The following LARGE1 variants were observed in gnomAD, a reference collection of about 807,000 sequenced individuals.
The protein encoded by LARGE1 is xylosyl- and glucuronyltransferase LARGE1.
LARGE1 carries 43 observed loss-of-function variants against 87.6 expected under a neutral mutation model. The ratio of observed to expected loss-of-function variants is 0.49; its 90% confidence interval spans 0.38 to 0.63. The LOEUF is 0.63. LARGE1 is among the 30% of genes least tolerant of loss of function. LARGE1 has a pLI of 0.00. For missense variants in LARGE1, 802 were observed against 1,000.2 expected (o/e 0.80, Z 2.67); for synonymous variants, 434 against 394.6 (o/e 1.10, Z -1.18).
At chr22:33,499,094 T>G (rs1205390082) in intron 6 of LARGE1, among the ~76,000 whole-genome samples, 1 of 152,238 alleles carries the variant, frequency 6.6e-6, no homozygotes, top group Non-Finnish European at 1.5e-5. Context: ...GACAGACATC[T>G]GGAGCAGCCT....
chr22:33,399,786 G>T (rs886914633), intron 7 of LARGE1, among the ~76,000 whole-genome samples: 1 of 152,086 alleles, frequency 6.6e-6, no homozygotes, highest in African/African-American at 2.4e-5. Flanking sequence ...CTGACCTCGT[G>T]ATCTGCCCGC....
At chr22:33,555,852 C>A (rs1054909520) in intron 6 of LARGE1, among the ~76,000 whole-genome samples, 1 of 151,462 alleles carries the variant, frequency 6.6e-6, no homozygotes, top group Admixed American at 6.6e-5. Flanking sequence ...ACTGCCTGAG[C>A]CCGGGAGGTG....
intron 7 of LARGE1, among the ~76,000 whole-genome samples, chr22:33,417,801 C>T (rs1012810672): frequency 6.6e-6 from 1 of 152,246 alleles, no homozygotes; most frequent in African/African-American, 2.4e-5. Context: ...ATGGGAGCCA[C>T]TCTCAGCATC....
chr22:33,106,799 C>T, the LARGE1 span, among the ~76,000 whole-genome samples: 11 of 152,244 alleles, frequency 7.2e-5, no homozygotes, highest in East Asian at 2.1e-3. Flanking sequence ...CCCAGCCACA[C>T]CATTACTTTT....
intron 2 of LARGE1, among the ~76,000 whole-genome samples, chr22:33,720,643 A>T (rs544289521): frequency 4.6e-5 from 7 of 152,236 alleles, no homozygotes; most frequent in Admixed American, 1.3e-4. Context: ...TTGAGGTCCA[A>T]GTCCCAGAGT....
chr22:33,527,621 G>A (rs888856398), intron 6 of LARGE1, among the ~76,000 whole-genome samples: 2 of 152,022 alleles, frequency 1.3e-5, no homozygotes, highest in African/African-American at 4.8e-5. Flanking sequence ...CCCACCCAGA[G>A]TCTGAGGTTC....
chr22:33,238,455 C>G (rs948905941), intron 11 of LARGE1, among the ~76,000 whole-genome samples: 1 of 151,976 alleles, frequency 6.6e-6, no homozygotes, highest in Non-Finnish European at 1.5e-5. Context: ...ATTTAGTATA[C>G]CAAATATTAG....
Position 33,583,062 on chromosome 22 carries a change from A to T in LARGE1, c.616-18043T>A, listed in dbSNP as rs959654397. ...CAGTCACATATATTATACCCTGTCT[A>T]GATGACAAATAGGACTCTTGCTCTT... On this transcript the variant is annotated intron_variant, in intron 5 of 14. Transcript: ENST00000397394. 9.8e-5 allele frequency among the ~76,000 whole-genome samples: 15 copies of T among 152,332 alleles called. No individual in the cohort carries two copies. The East Asian group carries it at 2.9e-3, about 29-fold the overall frequency.
intron 5 of LARGE1, among the ~76,000 whole-genome samples, chr22:33,588,314 A>C (rs936397734): frequency 6.6e-6 from 1 of 152,234 alleles, no homozygotes; most frequent in Non-Finnish European, 1.5e-5. Flanking sequence ...AACAGGTGGA[A>C]AGATAACCTA....
rs554916335 is a variant in LARGE1 at position 33,477,650 on chromosome 22, C to T, written c.788-45385G>A. Among the ~76,000 whole-genome samples, 12 of 152,272 alleles carry T rather than the reference C, an allele frequency of 7.9e-5. No individual in the cohort carries two copies. In the East Asian group the frequency reaches 2.3e-3, roughly 29 times the overall value. ...CGCCACAAAATGCCAGTGAGCTCCG[C>T]CAGGTCTTAGAGCTCAGCTGAGTAA... On this transcript the variant is annotated intron_variant, in intron 6 of 14. Coordinates refer to ENST00000397394, the MANE Select transcript of LARGE1 (RefSeq NM_133642.5).
At chr22:33,783,441 T>C (rs1352051183) in intron 1 of LARGE1, among the ~76,000 whole-genome samples, 2 of 152,134 alleles carry the variant, frequency 1.3e-5, no homozygotes, top group Non-Finnish European at 1.5e-5. Context: ...GGCGGGTGCC[T>C]GTAATCCCAG....
At chr22:33,134,908 A>G in the LARGE1 span, among the ~76,000 whole-genome samples, 1 of 152,154 alleles carries the variant, frequency 6.6e-6, no homozygotes, top group African/African-American at 2.4e-5. Context: ...TCATAGGTGG[A>G]GGCAGATTTA....
chr22:33,913,867 A>C (rs960111487), intron 1 of LARGE1, among the ~76,000 whole-genome samples: 1 of 152,180 alleles, frequency 6.6e-6, no homozygotes, highest in East Asian at 1.9e-4. Flanking sequence ...TTGGTTTTGC[A>C]TAACAGGTGA....
chr22:33,602,036 A>G (rs1375360446), intron 5 of LARGE1, among the ~76,000 whole-genome samples: 1 of 152,010 alleles, frequency 6.6e-6, no homozygotes, highest in Non-Finnish European at 1.5e-5. Context: ...GATGGACTTC[A>G]CAACCGGCCA....
chr22:33,901,178 T>C (rs1482502818), intron 1 of LARGE1, among the ~76,000 whole-genome samples: 1 of 151,966 alleles, frequency 6.6e-6, no homozygotes, highest in Non-Finnish European at 1.5e-5. Flanking sequence ...CACCAGGAAT[T>C]GCCAGCAATC....
At chr22:33,901,745 G>C (rs2065288584) in intron 1 of LARGE1, among the ~76,000 whole-genome samples, 1 of 152,178 alleles carries the variant, frequency 6.6e-6, no homozygotes, top group Non-Finnish European at 1.5e-5. Flanking sequence ...GCAGATAAAG[G>C]GGTGATGATA....
At chr22:33,596,943 T>C (rs1198676609) in intron 5 of LARGE1, among the ~76,000 whole-genome samples, 1 of 152,230 alleles carries the variant, frequency 6.6e-6, no homozygotes, top group Non-Finnish European at 1.5e-5. Context: ...ACATTATTAG[T>C]GAACTGGGGG....
rs16991963 is a variant in LARGE1 at position 33,202,639 on chromosome 22, C to T, written c.1731-35807G>A. On this transcript the variant is annotated intron_variant, in intron 11 of 11. Coordinates refer to the LARGE1 transcript ENST00000608642. ...GTACAGTGCAGATTGACAGTAGCTG[C>T]TCAATAAAGCATAGTGCCATTCTTC... Among the ~76,000 whole-genome samples, 783 of 152,244 alleles carry T rather than the reference C, an allele frequency of 5.1e-3. 8 individuals carry two copies. Among genetic ancestry groups the T allele is most frequent in the Non-Finnish European group, 7.1e-3 (482 of 68,022 alleles).
At chr22:33,922,196 G>A (rs2065966151), upstream of LARGE1, among the ~76,000 whole-genome samples, 1 of 150,378 alleles carries the variant, frequency 6.6e-6, no homozygotes, top group Non-Finnish European at 1.5e-5. Flanking sequence ...GGGAAGGATG[G>A]GCTGGGGAGG....
Sources: allele counts gnomAD v4.1 joint callset (sites outside exome capture counted in the v4.1 genomes callset), GRCh38; gene constraint gnomAD v4.1.1; transcripts MANE v1.5; gene names NCBI Gene and HGNC (gene_info 2026-07-23, HGNC 2026-07-21).